Variants in PCDH9 observed in about 807,000 individuals in gnomAD.
The protein encoded by PCDH9 is protocadherin 9.
Under a neutral mutation model 70.6 loss-of-function variants are expected in PCDH9, and 24 were observed. The ratio of observed to expected loss-of-function variants is 0.34; its 90% CI spans 0.25 to 0.48. The LOEUF is 0.48. PCDH9 is among the 20% of genes least tolerant of loss of function. The pLI is 0.99. For missense variants in PCDH9, 1,281 were observed against 1,503.6 expected (o/e 0.85, Z 2.45); for synonymous variants, 562 against 558.5 (o/e 1.01, Z -0.09).
At chr13:67,119,287 T>C (rs2086835415) in intron 2 of PCDH9, among the ~76,000 whole-genome samples, 1 of 152,142 alleles carries the variant, frequency 6.6e-6, no homozygotes, top group Admixed American at 6.6e-5. Flanking sequence ...ATATGATACA[T>C]TCCTTTTCTA....
Position 67,141,731 on chromosome 13 carries a change from G to A in PCDH9, c.3036+83674C>T, listed in dbSNP as rs111404999. Among the ~76,000 whole-genome samples the A allele has an allele frequency of 5.6e-3, 835 of 149,490 alleles. 7 individuals are homozygous for A. The highest frequency in any genetic ancestry group is 0.02 in the African/African-American group (803 of 40,628). The stretch of plus-strand genomic sequence containing the variant: ...TGGGATTACAAGTGTGAGTTCCTGC[G>A]CCCAGCCAAGACCTTCTCTCTTAAA... On this transcript the variant is annotated intron_variant, in intron 2 of 4. Coordinates refer to ENST00000377865, the MANE Select transcript of PCDH9 (RefSeq NM_203487.3).
chr13:67,006,334 AGGAATGTATAAAATACAAAACC>A (rs1178299170), intron 2 of PCDH9, among the ~76,000 whole-genome samples: 1 of 152,212 alleles, frequency 6.6e-6, no homozygotes, highest in African/African-American at 2.4e-5. Context: ...TAGATTGTGC[AGGAATGTATAAAATACAAAACC>A]GGAATAGAAA....
At chr13:67,190,726 T>C (rs148780044) in intron 2 of PCDH9, among the ~76,000 whole-genome samples, 68 of 152,216 alleles carry the variant, frequency 4.5e-4, no homozygotes, top group African/African-American at 1.6e-3. Context: ...AATTTTACTA[T>C]AACTCAAGCT....
chr13:67,075,789 A>G (rs1396065735), intron 2 of PCDH9, among the ~76,000 whole-genome samples: 1 of 152,110 alleles, frequency 6.6e-6, no homozygotes. Context: ...GGTTTATTCA[A>G]TAATTAAGAA....
chr13:66,477,931 C>A (rs145753613), intron 4 of PCDH9, among the ~76,000 whole-genome samples: 1 of 152,124 alleles, frequency 6.6e-6, no homozygotes, highest in South Asian at 2.1e-4. Context: ...TACAGGCATA[C>A]CTCTTTTTAT....
intron 4 of PCDH9, among the ~76,000 whole-genome samples, chr13:66,383,221 A>T (rs1956876802): frequency 6.6e-6 from 1 of 152,204 alleles, no homozygotes; most frequent in Admixed American, 6.5e-5. Flanking sequence ...AATGAGCACA[A>T]AAAATGGCAT....
chr13:66,948,762 A>G (rs2083131054), intron 2 of PCDH9, among the ~76,000 whole-genome samples: 1 of 152,168 alleles, frequency 6.6e-6, no homozygotes, highest in Non-Finnish European at 1.5e-5. Context: ...GACTGTCTAA[A>G]TGAAGACCAA....
chr13:66,737,827 C>G (rs999313767), intron 3 of PCDH9, among the ~76,000 whole-genome samples: 1 of 152,172 alleles, frequency 6.6e-6, no homozygotes, highest in Non-Finnish European at 1.5e-5. Flanking sequence ...ATATCCCACA[C>G]CTGGCTCGGA....
chr13:66,434,317 A>G (rs1332618984), intron 4 of PCDH9, among the ~76,000 whole-genome samples: 1 of 151,976 alleles, frequency 6.6e-6, no homozygotes, highest in Non-Finnish European at 1.5e-5. Context: ...GGAAAAAAAT[A>G]CTTTTCAGGT....
chr13:67,154,552 G>A (rs192479060), intron 2 of PCDH9, among the ~76,000 whole-genome samples: 23 of 122,332 alleles, frequency 1.9e-4, no homozygotes, highest in African/African-American at 7.3e-4. Flanking sequence ...CTCCAGACAG[G>A]GAAACAGACG....
chr13:66,953,605 C>A (rs1014904875), intron 2 of PCDH9, among the ~76,000 whole-genome samples: 1 of 152,110 alleles, frequency 6.6e-6, no homozygotes, highest in Non-Finnish European at 1.5e-5. Context: ...GCTTTCCTGC[C>A]CTTTCCTCAT....
chr13:67,177,323 T>A (rs2138468640), intron 2 of PCDH9, among the ~76,000 whole-genome samples: 1 of 152,212 alleles, frequency 6.6e-6, no homozygotes, highest in East Asian at 1.9e-4. Context: ...CAGAATCAAT[T>A]TTCTTGAAAA....
intron 3 of PCDH9, among the ~76,000 whole-genome samples, chr13:66,737,053 A>C (rs924712224): frequency 1.3e-5 from 2 of 152,224 alleles, no homozygotes; most frequent in African/African-American, 4.8e-5. Flanking sequence ...AGTGCCTTGA[A>C]TAAAATAAGC....
chr13:67,086,958 T>G (rs902171756), intron 2 of PCDH9, among the ~76,000 whole-genome samples: 21 of 152,076 alleles, frequency 1.4e-4, no homozygotes, highest in Non-Finnish European at 2.9e-4. Context: ...AAGATTTTTT[T>G]GCAGAGAATA....
rs528419930 is a variant in PCDH9, at chr13:67,143,899, T to C, written c.3036+81506A>G. Among the ~76,000 whole-genome samples, 4 of 152,300 alleles carry C rather than the reference T, an allele frequency of 2.6e-5. No homozygotes were observed. The South Asian group carries it at 8.3e-4, about 32-fold the overall frequency. ...GATGAAAGGGAAACTGAAGAGTGCA[T>C]CCCTACAGATAATAAGGTGAGTCAT... On this transcript the variant is annotated intron_variant, in intron 2 of 4. Coordinates refer to ENST00000377865, the MANE Select transcript of PCDH9 (RefSeq NM_203487.3).
chr13:66,490,249 C>G (rs182958345), intron 4 of PCDH9, among the ~76,000 whole-genome samples: 30 of 152,186 alleles, frequency 2.0e-4, no homozygotes, highest in African/African-American at 7.2e-4. Context: ...GCCACCAGTG[C>G]CATTAAGGCC....
At chr13:66,786,371 G>A (rs2080079948) in intron 3 of PCDH9, among the ~76,000 whole-genome samples, 1 of 152,142 alleles carries the variant, frequency 6.6e-6, no homozygotes, top group Non-Finnish European at 1.5e-5. Context: ...AATCCAAGGA[G>A]AAGGCTTATG....
intron 3 of PCDH9, among the ~76,000 whole-genome samples, chr13:66,837,154 T>G (rs1000423965): frequency 1.3e-5 from 2 of 152,238 alleles, no homozygotes; most frequent in Non-Finnish European, 1.5e-5. Context: ...CTTGCACTTT[T>G]GAGGTATACT....
chr13:67,063,647 A>C (rs766838306), intron 2 of PCDH9, among the ~76,000 whole-genome samples: 1 of 152,128 alleles, frequency 6.6e-6, no homozygotes, highest in Non-Finnish European at 1.5e-5. Context: ...TTGCTTTAAA[A>C]ACAATAGCAA....
Sources: gnomAD v4.1 joint callset for allele counts (sites outside exome capture counted in the v4.1 genomes callset) on GRCh38, gnomAD v4.1.1 for gene constraint, MANE v1.5 for transcripts, NCBI Gene and HGNC (gene_info 2026-07-23, HGNC 2026-07-21) for gene names.